FHIT: variants seen among roughly 807,000 people sequenced by gnomAD.
The protein encoded by FHIT is bis(5'-adenosyl)-triphosphatase.
Under a neutral mutation model 17.9 loss-of-function variants are expected in FHIT, and 19 were observed. The observed-to-expected ratio is 1.06, with a 90% CI of 0.74 to 1.56. The LOEUF (loss-of-function observed/expected upper bound fraction) is 1.56, where lower values mean the gene tolerates loss of function less well. Ranked by LOEUF, FHIT falls within the 40% of genes most tolerant of loss-of-function variation. The pLI is 0.00. For synonymous variants in FHIT, 81 were observed against 69.7 expected, an observed-to-expected ratio of 1.16 and a Z score of -0.81; for missense variants, 248 against 189.2, an observed-to-expected ratio of 1.31 and a Z score of -1.82.
chr3:59,773,034 A>T (rs1455423946), intron 8 of FHIT, among the ~76,000 whole-genome samples: 1 of 152,206 alleles, frequency 6.6e-6, no homozygotes, highest in Non-Finnish European at 1.5e-5. Context: ...CCTACTTCAA[A>T]CAAACAATGC....
At chr3:59,872,451 G>C (rs1352536698) in intron 8 of FHIT, among the ~76,000 whole-genome samples, 2 of 152,190 alleles carry the variant, frequency 1.3e-5, no homozygotes, top group African/African-American at 2.4e-5. Context: ...TATGTGAGGA[G>C]TAGAAGACAA....
At chr3:60,509,521 C>T (rs1180653100) in intron 5 of FHIT, among the ~76,000 whole-genome samples, 1 of 152,140 alleles carries the variant, frequency 6.6e-6, no homozygotes, top group Non-Finnish European at 1.5e-5. Context: ...TTCCTATGAT[C>T]ACATCTCAAA....
intron 3 of FHIT, among the ~76,000 whole-genome samples, chr3:60,953,631 T>C (rs1362309889): frequency 2.0e-5 from 3 of 152,106 alleles, no homozygotes. Flanking sequence ...AATTGAAAAA[T>C]GCCAACATCC....
At chr3:59,787,636 A>C (rs1257892952) in intron 8 of FHIT, among the ~76,000 whole-genome samples, 1 of 152,170 alleles carries the variant, frequency 6.6e-6, no homozygotes, top group Admixed American at 6.5e-5. Context: ...AATTGTTCTG[A>C]GATGATAATA....
chr3:59,854,616 T>C (rs951363928), intron 8 of FHIT, among the ~76,000 whole-genome samples: 1 of 152,218 alleles, frequency 6.6e-6, no homozygotes, highest in Non-Finnish European at 1.5e-5. Flanking sequence ...GCTTATTTTA[T>C]TTAATCCTCA....
chr3:59,755,164 T>C (rs917774948), intron 8 of FHIT, among the ~76,000 whole-genome samples: 1 of 119,862 alleles, frequency 8.3e-6, no homozygotes, highest in Non-Finnish European at 1.8e-5. Context: ...ACTGCTGTCC[T>C]TTGCAAACCT....
chr3:60,996,440 C>T (rs2030679463), intron 3 of FHIT, among the ~76,000 whole-genome samples: 1 of 152,198 alleles, frequency 6.6e-6, no homozygotes, highest in South Asian at 2.1e-4. Flanking sequence ...AGGTTCCTAT[C>T]ATCCACCCTT....
chr3:60,548,580 T>G (rs1204087847), intron 4 of FHIT, among the ~76,000 whole-genome samples: 1 of 152,142 alleles, frequency 6.6e-6, no homozygotes, highest in Non-Finnish European at 1.5e-5. Context: ...CAAATGATGT[T>G]TTTGGAAGAA....
intron 5 of FHIT, among the ~76,000 whole-genome samples, chr3:60,473,472 A>G (rs2107454218): frequency 6.6e-6 from 1 of 152,300 alleles, no homozygotes; most frequent in Non-Finnish European, 1.5e-5. Context: ...ATACAATGTG[A>G]AGAGACAACC....
intron 5 of FHIT, among the ~76,000 whole-genome samples, chr3:60,417,025 C>A (rs1041697175): frequency 6.6e-6 from 1 of 150,838 alleles, no homozygotes; most frequent in Non-Finnish European, 1.5e-5. Flanking sequence ...GGAGGCGGAG[C>A]TTGCAGTGAG....
intron 5 of FHIT, among the ~76,000 whole-genome samples, chr3:60,467,413 T>A (rs2032858988): frequency 6.6e-6 from 1 of 151,992 alleles, no homozygotes; most frequent in South Asian, 2.1e-4. Context: ...TTCTAGTTGT[T>A]TAAAATGTAT....
intron 2 of FHIT, among the ~76,000 whole-genome samples, chr3:61,092,281 T>C (rs1469262073): frequency 6.6e-6 from 1 of 152,100 alleles, no homozygotes. Flanking sequence ...GGAGTACAGA[T>C]ACTGAGCAGG....
intron 4 of FHIT, among the ~76,000 whole-genome samples, chr3:60,557,641 A>G (rs1276979592): frequency 6.6e-6 from 1 of 151,900 alleles, no homozygotes; most frequent in African/African-American, 2.4e-5. Flanking sequence ...CCATGACATC[A>G]GAGAAACAAA....
chr3:60,460,871 T>C (rs935492464), intron 5 of FHIT, among the ~76,000 whole-genome samples: 1 of 152,232 alleles, frequency 6.6e-6, no homozygotes, highest in African/African-American at 2.4e-5. Flanking sequence ...TTGTTCAGAA[T>C]ATAATTCATG....
intron 5 of FHIT, among the ~76,000 whole-genome samples, chr3:60,154,254 T>G (rs1283712272): frequency 2.0e-5 from 3 of 152,210 alleles, no homozygotes; most frequent in Non-Finnish European, 4.4e-5. Context: ...CCGGCATATA[T>G]GAGTCAATAA....
chr3:60,115,574 G>T (rs578090175), intron 5 of FHIT, among the ~76,000 whole-genome samples: 1 of 152,040 alleles, frequency 6.6e-6, no homozygotes, highest in Non-Finnish European at 1.5e-5. Context: ...TATTCATAGC[G>T]TTCTGGCAAC....
At chr3:60,542,506 C>A (rs912889352) in intron 4 of FHIT, among the ~76,000 whole-genome samples, 1 of 152,142 alleles carries the variant, frequency 6.6e-6, no homozygotes, top group Admixed American at 6.5e-5. Flanking sequence ...AATGGCGTCT[C>A]TTCCTTTTAC....
chr3:61,045,325 G>A (rs1200409612), intron 2 of FHIT, among the ~76,000 whole-genome samples: 1 of 152,096 alleles, frequency 6.6e-6, no homozygotes, highest in African/African-American at 2.4e-5. Context: ...AACAAAAAAG[G>A]CAGGGCTTGC....
At chr3:60,371,892 T>A (rs1001974010) in intron 5 of FHIT, among the ~76,000 whole-genome samples, 77 of 149,940 alleles carry the variant, frequency 5.1e-4, no homozygotes, top group African/African-American at 1.8e-3. Flanking sequence ...ATAAATCAAA[T>A]GGAGCTTTCT....
Sources: allele counts gnomAD v4.1 joint callset (sites outside exome capture counted in the v4.1 genomes callset), GRCh38; gene constraint gnomAD v4.1.1; transcripts MANE v1.5; gene names NCBI Gene and HGNC (gene_info 2026-07-23, HGNC 2026-07-21).